The following XKRX variants were observed in gnomAD, a reference collection of about 807,000 sequenced individuals.
XKRX encodes the protein XK-related protein 2.
XKRX carries 11 observed loss-of-function variants against 22.4 expected under a neutral mutation model. The observed-to-expected ratio is 0.49, with a 90% CI of 0.31 to 0.81. The LOEUF is 0.81. XKRX is among the 40% of genes least tolerant of loss of function. XKRX has a pLI of 0.05. For synonymous variants in XKRX, 114 were observed against 132.2 expected (o/e 0.86, Z 0.94); for missense variants, 320 against 336.5 (o/e 0.95, Z 0.38).
downstream of XKRX, chrX:100,910,807 AC>A (rs1031107132): frequency 1.3e-5 from 10 of 756,050 alleles, no homozygotes; most frequent in African/African-American, 1.5e-4. Context: ...TCGAGAGGCT[AC>A]GAACGTTCAA....
chrX:100,948,947 C>A, the XKRX span, among the ~76,000 whole-genome samples: 1 of 112,650 alleles, frequency 8.9e-6, no homozygotes, highest in Non-Finnish European at 1.9e-5. Flanking sequence ...GCAAGTCATC[C>A]CTCCATTCCG....
chrX:100,927,640 GA>G (rs200407789), intron 1 of XKRX, among the ~76,000 whole-genome samples: 25 of 109,531 alleles, frequency 2.3e-4, no homozygotes, highest in Admixed American at 1.2e-3. Context: ...CCTTGTCTCA[GA>G]AAAAAAAAAT....
the XKRX span, among the ~76,000 whole-genome samples, chrX:100,890,836 A>G: frequency 9.0e-6 from 1 of 110,857 alleles, no homozygotes; most frequent in African/African-American, 3.3e-5. Context: ...ACCTTCATAC[A>G]TGGACAAAAT....
At chrX:100,899,922 C>G in the XKRX span, among the ~76,000 whole-genome samples, 3,516 of 111,924 alleles carry the variant, frequency 0.031, 135 homozygotes, top group African/African-American at 0.11. Context: ...CAATACTACT[C>G]AAAGTGATCT....
chrX:100,891,887 A>G, the XKRX span, among the ~76,000 whole-genome samples: 1 of 111,695 alleles, frequency 9.0e-6, no homozygotes, highest in South Asian at 3.7e-4. Context: ...CTATATTAAA[A>G]AAAACTCAAA....
At chrX:100,897,531 G>A in the XKRX span, among the ~76,000 whole-genome samples, 2,329 of 102,736 alleles carry the variant, frequency 0.023, 79 homozygotes, top group African/African-American at 0.079. Context: ...GTTGCAGTGA[G>A]CTGAAATCAC....
At chrX:100,910,760 G>A (rs1028837988), downstream of XKRX, 22 of 756,152 alleles carry the variant, frequency 2.9e-5, no homozygotes, top group African/African-American at 8.5e-5. Context: ...TATGGATATC[G>A]TTTGGATTAC....
At chrX:100,893,704 A>C in the XKRX span, among the ~76,000 whole-genome samples, 1 of 112,146 alleles carries the variant, frequency 8.9e-6, no homozygotes, top group Admixed American at 9.4e-5. Flanking sequence ...AAGTGAACCA[A>C]CACAGAAGCA....
chrX:100,951,471 A>G, the XKRX span, among the ~76,000 whole-genome samples: 1 of 107,629 alleles, frequency 9.3e-6, no homozygotes, highest in Non-Finnish European at 1.9e-5. Context: ...GAAGAAAAAG[A>G]AGAAAAGGAA....
chrX:100,908,802 T>C (rs1325154112), downstream of XKRX, among the ~76,000 whole-genome samples: 2 of 110,399 alleles, frequency 1.8e-5, no homozygotes, highest in Non-Finnish European at 3.8e-5. Flanking sequence ...CACAGATGCC[T>C]GCCCCACCCC....
chrX:100,897,593 A>ATGTGTGTG, the XKRX span, among the ~76,000 whole-genome samples: 434 of 66,439 alleles, frequency 6.5e-3, 5 homozygotes, highest in East Asian at 0.039. Flanking sequence ...AAATATATAT[A>ATGTGTGTG]TGTGTGTGTG....
At chrX:100,910,507 C>G (rs948302335), downstream of XKRX, among the ~76,000 whole-genome samples, 2 of 108,998 alleles carry the variant, frequency 1.8e-5, no homozygotes, top group African/African-American at 6.7e-5. Flanking sequence ...ATCACTTGAA[C>G]CCGGGAGGTG....
chrX:100,945,665 C>A, the XKRX span, among the ~76,000 whole-genome samples: 7 of 110,037 alleles, frequency 6.4e-5, no homozygotes, highest in Admixed American at 4.9e-4. Context: ...TCTCTCTGAG[C>A]CTTAGTTTCC....
Position 100,928,373 on chromosome X carries a change from C to A in XKRX, c.-69G>T, listed in dbSNP as rs750267960. 6 of 1,167,044 alleles carry A rather than the reference C, an allele frequency of 5.1e-6. No homozygotes were observed. The Middle Eastern group carries it at 1.6e-3, about 305-fold the overall frequency. On this transcript the variant is annotated 5_prime_UTR_variant, in exon 1 of 3. Transcript: ENST00000372956. ...CCCTCCCACCCATCCCCAAGAGAAC[C>A]CTATGGCCGCTACAGTCCAAGTATA...
upstream of XKRX, among the ~76,000 whole-genome samples, chrX:100,934,332 G>A (rs1028039481): frequency 1.8e-5 from 2 of 111,781 alleles, no homozygotes; most frequent in African/African-American, 6.5e-5. Context: ...GGACTGGCAG[G>A]TCTGAAACTT....
chrX:100,944,485 C>A, the XKRX span, among the ~76,000 whole-genome samples: 3 of 111,715 alleles, frequency 2.7e-5, no homozygotes. Flanking sequence ...GCCTCAGCCT[C>A]CCAAGTGGCT....
chrX:100,938,533 G>T, the XKRX span, among the ~76,000 whole-genome samples: 1 of 111,421 alleles, frequency 9.0e-6, no homozygotes, highest in African/African-American at 3.3e-5. Context: ...GGAGGCTGAG[G>T]CAGGAGAATC....
chrX:100,902,124 G>T, the XKRX span, among the ~76,000 whole-genome samples: 2 of 110,833 alleles, frequency 1.8e-5, no homozygotes, highest in African/African-American at 6.5e-5. Context: ...GTAACAGAAA[G>T]ATAGCTGAAA....
chrX:100,916,077 CCACACA>C (rs72334101), intron 2 of XKRX, among the ~76,000 whole-genome samples: 171 of 97,011 alleles, frequency 1.8e-3, no homozygotes, highest in African/African-American at 2.1e-3. Context: ...TTAAGTTTTA[CCACACA>C]CACACACACA....
Sources: allele counts gnomAD v4.1 joint callset (sites outside exome capture counted in the v4.1 genomes callset), GRCh38; gene constraint gnomAD v4.1.1; transcripts MANE v1.5; gene names NCBI Gene and HGNC (gene_info 2026-07-23, HGNC 2026-07-21).